The following LRRC7 variants were observed in gnomAD, a reference collection of about 807,000 sequenced individuals.
LRRC7 encodes leucine rich repeat containing 7, also known as leucine-rich repeat-containing protein 7.
LRRC7 carries 23 observed loss-of-function variants against 175.7 expected under a neutral mutation model. That is an observed-to-expected ratio of 0.13 (90% CI 0.09 to 0.19). The LOEUF is 0.19. LRRC7 is among the 10% of genes least tolerant of loss of function. LRRC7 has a pLI of 1.00. For missense variants in LRRC7, 1,354 were observed against 1,904.7 expected (o/e 0.71, Z 5.38); for synonymous variants, 685 against 680.9 (o/e 1.01, Z -0.09).
At chr1:69,967,291 C>A (rs1342492126) in intron 8 of LRRC7, among the ~76,000 whole-genome samples, 1 of 152,114 alleles carries the variant, frequency 6.6e-6, no homozygotes, top group East Asian at 1.9e-4. Context: ...GCAGCCACAG[C>A]AAGACCTGCC....
rs1000938051 is a variant in LRRC7 at position 69,886,672 on chromosome 1, G to C, written c.648-44835G>C. Among the ~76,000 whole-genome samples the C allele has an allele frequency of 3.1e-3, 458 of 146,610 alleles. 1 individual carries two copies. Among genetic ancestry groups the C allele is most frequent in the African/African-American group, 0.011 (418 of 39,106 alleles). On this transcript the variant is annotated intron_variant, in intron 7 of 26. Coordinates refer to ENST00000651989, the MANE Select transcript of LRRC7 (RefSeq NM_001370785.2). Reference sequence around the variant, plus strand: ...TGATCCTGTCATTATGATGTTAGCTGGTGATTTTGCTCATTAGTTGATGCA... The same window carrying C: ...TGATCCTGTCATTATGATGTTAGCTCGTGATTTTGCTCATTAGTTGATGCA...
chr1:69,794,399 T>G (rs530150059), intron 4 of LRRC7, among the ~76,000 whole-genome samples: 2 of 152,158 alleles, frequency 1.3e-5, no homozygotes, highest in Admixed American at 6.5e-5. Flanking sequence ...AGCAAGACAA[T>G]TCTAAAAGTA....
intron 7 of LRRC7, among the ~76,000 whole-genome samples, chr1:69,879,227 A>AC (rs1557843002): frequency 2.0e-5 from 3 of 148,240 alleles, no homozygotes; most frequent in African/African-American, 4.9e-5. Context: ...AAAAAAAAAA[A>AC]AAAAAAAAAG....
At chr1:69,611,517 A>G (rs1183097203) in intron 1 of LRRC7, among the ~76,000 whole-genome samples, 1 of 152,080 alleles carries the variant, frequency 6.6e-6, no homozygotes, top group Non-Finnish European at 1.5e-5. Context: ...TAGCCACAAC[A>G]TGTTCATTAA....
At chr1:69,849,284 T>A (rs558992594) in intron 7 of LRRC7, among the ~76,000 whole-genome samples, 188 of 152,166 alleles carry the variant, frequency 1.2e-3, no homozygotes, top group African/African-American at 4.4e-3. Flanking sequence ...GTAGGAGCAT[T>A]ATTTAGGAAA....
chr1:69,894,981 C>T (rs1476663754), intron 7 of LRRC7, among the ~76,000 whole-genome samples: 1 of 152,194 alleles, frequency 6.6e-6, no homozygotes, highest in Non-Finnish European at 1.5e-5. Context: ...AATCCCAGCA[C>T]TTTGGGAGGC....
chr1:69,598,280 T>A (rs1646920742), intron 1 of LRRC7, among the ~76,000 whole-genome samples: 1 of 152,134 alleles, frequency 6.6e-6, no homozygotes, highest in African/African-American at 2.4e-5. Context: ...AGAAAGTATG[T>A]TTTGATCTGG....
intron 2 of LRRC7, among the ~76,000 whole-genome samples, chr1:69,759,285 A>G (rs1215115086): frequency 6.6e-6 from 1 of 151,776 alleles, no homozygotes; most frequent in Non-Finnish European, 1.5e-5. Context: ...TACATACTAT[A>G]TATCAAGTAC....
chr1:70,045,054 G>T (rs1660221962), intron 22 of LRRC7, among the ~76,000 whole-genome samples: 1 of 151,850 alleles, frequency 6.6e-6, no homozygotes, highest in African/African-American at 2.4e-5. Context: ...CTGTTTTATT[G>T]TTAATCTAGT....
chr1:69,691,797 CAAAAAAAAAA>C lies in LRRC7; in HGVS notation c.100+13334_100+13343del, dbSNP rs57676937. On this transcript the variant is annotated intron_variant, in intron 2 of 26. Coordinates refer to ENST00000651989, the MANE Select transcript of LRRC7 (RefSeq NM_001370785.2). ...TGGGCAAAAGAGGGAGACCCTGTCT[CAAAAAAAAAA>C]AAAAAAAAAAAAAAGAAAAGAAAAG... 8.2e-5 allele frequency among the ~76,000 whole-genome samples: 7 copies of C among 85,200 alleles called. No homozygotes were observed. The Admixed American group carries it at 1.0e-3, about 12-fold the overall frequency. 55.9% of individuals were successfully genotyped at this position (85,200 alleles called of 152,430 possible). A position where few individuals can be genotyped will look rare whatever the true frequency, so the allele number is the denominator to read the frequency against.
rs1179219949 is a variant in LRRC7, at chr1:70,136,744, T to G, written c.*14857T>G. On this transcript the variant is annotated 3_prime_UTR_variant, in exon 27 of 27. Transcript: ENST00000651989. The stretch of plus-strand genomic sequence containing the variant: ...GCCTTTTTTTTTTTTTTTTTTTTTT[T>G]TCTGAGACAGGGTCTTGCTCTGTCA... Among the ~76,000 whole-genome samples the G allele has an allele frequency of 6.8e-6, 1 of 146,946 alleles. No homozygotes were observed. The highest frequency in any genetic ancestry group is 1.5e-5 in the Non-Finnish European group (1 of 66,572).
intron 1 of LRRC7, among the ~76,000 whole-genome samples, chr1:69,676,754 C>T (rs1401453595): frequency 1.3e-5 from 2 of 151,984 alleles, no homozygotes; most frequent in Admixed American, 1.3e-4. Flanking sequence ...TCAGCAATTC[C>T]ATTCTTGAAA....
intron 1 of LRRC7, among the ~76,000 whole-genome samples, chr1:69,643,174 T>G (rs1654494459): frequency 6.6e-6 from 1 of 152,100 alleles, no homozygotes; most frequent in African/African-American, 2.4e-5. Context: ...ATCTGTCTTT[T>G]GTTCTTGGTT....
intron 8 of LRRC7, among the ~76,000 whole-genome samples, chr1:69,937,349 G>A (rs2101788124): frequency 6.6e-6 from 1 of 152,106 alleles, no homozygotes; most frequent in South Asian, 2.1e-4. Flanking sequence ...CCTGCTTCTA[G>A]ATTACTAAGA....
intron 2 of LRRC7, among the ~76,000 whole-genome samples, chr1:69,702,272 C>T (rs1191224648): frequency 6.6e-6 from 1 of 152,168 alleles, no homozygotes; most frequent in African/African-American, 2.4e-5. Flanking sequence ...TATCAGTTTA[C>T]TGTCAAGCAA....
chr1:69,976,032 T>C (rs1364982482), intron 8 of LRRC7, among the ~76,000 whole-genome samples: 4 of 152,214 alleles, frequency 2.6e-5, no homozygotes, highest in African/African-American at 9.7e-5. Flanking sequence ...ATTCAGGCTT[T>C]ACAAATAATA....
chr1:70,058,059 G>A (rs950747738), intron 23 of LRRC7, among the ~76,000 whole-genome samples: 6 of 150,998 alleles, frequency 4.0e-5, no homozygotes, highest in Admixed American at 6.6e-5. Context: ...ACCCAGGCTG[G>A]AGTGCAATGG....
At chr1:69,924,691 G>A (rs1202440354) in intron 7 of LRRC7, among the ~76,000 whole-genome samples, 1 of 152,214 alleles carries the variant, frequency 6.6e-6, no homozygotes. Flanking sequence ...AGCTTAAGGA[G>A]ATTTTGGGCT....
chr1:69,890,555 T>C (rs1645803754), intron 7 of LRRC7, among the ~76,000 whole-genome samples: 1 of 152,248 alleles, frequency 6.6e-6, no homozygotes. Flanking sequence ...TGGCTTTAAC[T>C]TTAATTTACC....
Sources: allele counts gnomAD v4.1 joint callset (sites outside exome capture counted in the v4.1 genomes callset), GRCh38; gene constraint gnomAD v4.1.1; transcripts MANE v1.5; gene names NCBI Gene and HGNC (gene_info 2026-07-23, HGNC 2026-07-21).